The following RBFOX1 variants were observed in gnomAD, a reference collection of about 807,000 sequenced individuals.
RBFOX1 encodes RNA binding protein fox-1 homolog 1.
RBFOX1 carries 8 observed loss-of-function variants against 57.7 expected under a neutral mutation model. The ratio of observed to expected loss-of-function variants is 0.14; its 90% confidence interval spans 0.08 to 0.25. The LOEUF is 0.25. Ranked by LOEUF, RBFOX1 falls within the 10% of genes least tolerant of loss-of-function variation. The probability of loss-of-function intolerance (pLI) is 1.00; values close to 1 mark genes in which losing one functional copy is unlikely to be tolerated. For synonymous variants in RBFOX1, 326 were observed against 222.4 expected, an observed-to-expected ratio of 1.47 and a Z score of -4.15; for missense variants, 611 against 548.5, an observed-to-expected ratio of 1.11 and a Z score of -1.14.
chr16:5,485,023 C>T (rs970761212), intron 2 of RBFOX1, among the ~76,000 whole-genome samples: 2 of 151,768 alleles, frequency 1.3e-5, no homozygotes, highest in African/African-American at 4.8e-5. Context: ...TATACCACTG[C>T]ACTGCAACCT....
chr16:6,025,046 A>C (rs7185884), intron 1 of RBFOX1, among the ~76,000 whole-genome samples: 128,176 of 152,156 alleles, frequency 0.84, 54,732 homozygotes, highest in Non-Finnish European at 0.91. Context: ...CTGGGAAGGG[A>C]CCCTGGCTGT....
chr16:5,626,900 G>A (rs563946847), intron 3 of RBFOX1, among the ~76,000 whole-genome samples: 9 of 151,868 alleles, frequency 5.9e-5, no homozygotes, highest in African/African-American at 2.2e-4. Context: ...TCTCATTTCT[G>A]TTCTCCCCTT....
intron 4 of RBFOX1, among the ~76,000 whole-genome samples, chr16:7,186,043 C>G (rs2083675038): frequency 1.3e-5 from 2 of 152,008 alleles, no homozygotes. Context: ...TATTTGCTAA[C>G]CCTGGGAAAC....
intron 3 of RBFOX1, among the ~76,000 whole-genome samples, chr16:7,049,295 A>C (rs1429520088): frequency 4.6e-5 from 7 of 152,154 alleles, no homozygotes; most frequent in Non-Finnish European, 4.4e-5. Flanking sequence ...AAAGAAAAGC[A>C]ATGGGAGGTG....
rs186650626 is a variant in RBFOX1 at position 7,526,563 on chromosome 16, C to G, written c.270+8174C>G. Among the ~76,000 whole-genome samples the G allele has an allele frequency of 2.6e-5, 4 of 152,300 alleles. No homozygotes were observed. The East Asian group carries it at 5.8e-4, about 22-fold the overall frequency. On this transcript the variant is annotated intron_variant, in intron 5 of 15. Coordinates refer to ENST00000550418, the MANE Select transcript of RBFOX1 (RefSeq NM_018723.4). Reference sequence around the variant, plus strand: ...CGATGGATTACAGAACAACAGAGTTCTTTTCCTTTGAGGAGGGTTTACGCC... The same window carrying G: ...CGATGGATTACAGAACAACAGAGTTGTTTTCCTTTGAGGAGGGTTTACGCC...
chr16:7,346,262 C>T (rs933260222), intron 4 of RBFOX1, among the ~76,000 whole-genome samples: 2 of 151,932 alleles, frequency 1.3e-5, no homozygotes, highest in African/African-American at 4.8e-5. Context: ...AGCAATGCCC[C>T]TGGGCCACAT....
chr16:6,529,370 C>T (rs1302866606), intron 2 of RBFOX1, among the ~76,000 whole-genome samples: 1 of 151,990 alleles, frequency 6.6e-6, no homozygotes, highest in Non-Finnish European at 1.5e-5. Context: ...ACCAGCCTGA[C>T]CAACTTGGTG....
At chr16:6,890,779 C>G (rs2065230445) in intron 3 of RBFOX1, among the ~76,000 whole-genome samples, 1 of 152,104 alleles carries the variant, frequency 6.6e-6, no homozygotes, top group Non-Finnish European at 1.5e-5. Context: ...CTTTTTTAAC[C>G]TACGTACCCA....
chr16:6,378,834 G>C (rs1222455116), intron 2 of RBFOX1, among the ~76,000 whole-genome samples: 1 of 152,086 alleles, frequency 6.6e-6, no homozygotes, highest in Non-Finnish European at 1.5e-5. Flanking sequence ...TCTTTAGGAG[G>C]ATTACTCTTC....
At chr16:6,053,677 T>G (rs1274472596) in intron 1 of RBFOX1, among the ~76,000 whole-genome samples, 1 of 152,198 alleles carries the variant, frequency 6.6e-6, no homozygotes, top group African/African-American at 2.4e-5. Flanking sequence ...CTTGTAATCT[T>G]TCCCTACGTA....
chr16:5,396,311 G>A (rs1056994077), intron 1 of RBFOX1, among the ~76,000 whole-genome samples: 5 of 152,256 alleles, frequency 3.3e-5, no homozygotes, highest in African/African-American at 1.2e-4. Flanking sequence ...TCCTGTAGTA[G>A]TGAATCAAGA....
At chr16:6,536,949 A>C (rs533493570) in intron 2 of RBFOX1, among the ~76,000 whole-genome samples, 1 of 152,328 alleles carries the variant, frequency 6.6e-6, no homozygotes, top group South Asian at 2.1e-4. Context: ...TGTTTCTTCT[A>C]ATACTCTACT....
chr16:7,574,755 T>C (rs1567907447), intron 5 of RBFOX1, among the ~76,000 whole-genome samples: 1 of 152,072 alleles, frequency 6.6e-6, no homozygotes, highest in Non-Finnish European at 1.5e-5. Context: ...GGACCAATAC[T>C]TTGCATCCTT....
intron 4 of RBFOX1, among the ~76,000 whole-genome samples, chr16:7,248,805 T>C (rs187270628): frequency 6.6e-6 from 1 of 152,356 alleles, no homozygotes; most frequent in East Asian, 1.9e-4. Context: ...ATGCTATTTA[T>C]AACAGTTGCC....
chr16:7,492,223 C>G (rs942272022), intron 4 of RBFOX1, among the ~76,000 whole-genome samples: 3 of 152,080 alleles, frequency 2.0e-5, no homozygotes, highest in African/African-American at 7.2e-5. Flanking sequence ...GATTCGTTTA[C>G]CAATAAGAAT....
At chr16:6,580,167 C>T (rs2097515391) in intron 2 of RBFOX1, among the ~76,000 whole-genome samples, 1 of 152,144 alleles carries the variant, frequency 6.6e-6, no homozygotes, top group South Asian at 2.1e-4. Context: ...CCATGTCAGC[C>T]AGGCTGGTCT....
At chr16:6,064,910 A>T (rs1354654442) in intron 1 of RBFOX1, among the ~76,000 whole-genome samples, 2 of 152,118 alleles carry the variant, frequency 1.3e-5, no homozygotes, top group Admixed American at 1.3e-4. Flanking sequence ...AGATCTCAAG[A>T]CATGGAGAAT....
At chr16:7,685,127 C>T (rs2058185) in intron 14 of RBFOX1, among the ~76,000 whole-genome samples, 144,858 of 152,052 alleles carry the variant, frequency 0.95, 69,444 homozygotes, top group East Asian at 1. Flanking sequence ...AGCTGCACTT[C>T]CCAGACTCCA....
intron 5 of RBFOX1, among the ~76,000 whole-genome samples, chr16:7,554,278 G>A (rs757992426): frequency 4.6e-5 from 7 of 152,202 alleles, no homozygotes; most frequent in Non-Finnish European, 1.0e-4. Flanking sequence ...AGCAGGAACC[G>A]TTCTTCAACT....
Sources: gnomAD v4.1 joint callset for allele counts (sites outside exome capture counted in the v4.1 genomes callset) on GRCh38, gnomAD v4.1.1 for gene constraint, MANE v1.5 for transcripts, NCBI Gene and HGNC (gene_info 2026-07-23, HGNC 2026-07-21) for gene names.